PRR5L: variants seen among roughly 807,000 people sequenced by gnomAD.
PRR5L encodes proline rich 5 like.
A neutral mutation model predicts 36.4 loss-of-function variants in PRR5L; 21 were observed. The observed-to-expected ratio is 0.58, with a 90% CI of 0.41 to 0.83. PRR5L has a LOEUF of 0.83. PRR5L is among the 40% of genes least tolerant of loss of function. The pLI, the probability that PRR5L is intolerant of heterozygous loss-of-function variation, is 0.00. For synonymous variants in PRR5L, 188 were observed against 197.0 expected (o/e 0.95, Z 0.38); for missense variants, 381 against 473.3 (o/e 0.80, Z 1.81).
chr11:36,422,865 C>A (rs138303877), intron 4 of PRR5L, among the ~76,000 whole-genome samples: 1 of 151,966 alleles, frequency 6.6e-6, no homozygotes, highest in African/African-American at 2.4e-5. Flanking sequence ...TTGGGGTTTC[C>A]GAGAGAAACA....
intron 1 of PRR5L, among the ~76,000 whole-genome samples, chr11:36,343,773 T>TCCACTTA (rs1216096072): frequency 6.6e-6 from 1 of 152,204 alleles, no homozygotes; most frequent in Non-Finnish European, 1.5e-5. Flanking sequence ...TATTATTACC[T>TCCACTTA]CCACTTACTG....
At chr11:36,460,140 C>G (rs1859149594) in intron 8 of PRR5L, among the ~76,000 whole-genome samples, 1 of 152,224 alleles carries the variant, frequency 6.6e-6, no homozygotes, top group South Asian at 2.1e-4. Flanking sequence ...TAAAAAGGGA[C>G]AAAATGCATA....
chr11:36,462,656 A>G lies in PRR5L; in HGVS notation c.1027A>G (p.Thr343Ala). ...HRQCSSEPNI[T>A]DNPDGLEEGA... is the part of the protein sequence containing the mutation. The stretch of plus-strand genomic sequence containing the variant: ...GCAGTGCTCCAGTGAGCCCAACATC[A>G]CTGACAACCCTGACGGACTGGAGGA... Residue 343 changes from threonine (T) to alanine (A), a missense_variant, in exon 9 of 9, where the codon ACT (threonine) becomes GCT (alanine). By Grantham distance (58) the Thr-to-Ala change is moderately conservative (BLOSUM62 0). Transcript: ENST00000530639. 6.2e-7 allele frequency: 1 copy of G among 1,610,750 alleles called. No individual in the cohort carries two copies. The highest frequency in any genetic ancestry group is 2.2e-5 in the East Asian group (1 of 44,840).
chr11:36,342,172 G>C (rs1856823736), intron 1 of PRR5L, among the ~76,000 whole-genome samples: 1 of 152,186 alleles, frequency 6.6e-6, no homozygotes, highest in South Asian at 2.1e-4. Context: ...CTCCATGAAG[G>C]CTCAACTAAG....
At chr11:36,384,271 T>C (rs1048489793) in intron 1 of PRR5L, among the ~76,000 whole-genome samples, 12 of 152,256 alleles carry the variant, frequency 7.9e-5, no homozygotes, top group Non-Finnish European at 1.6e-4. Context: ...TTTCATTAGC[T>C]TTGCTTCGTA....
chr11:36,402,626 G>A (rs1023279441), intron 2 of PRR5L, among the ~76,000 whole-genome samples: 9 of 152,238 alleles, frequency 5.9e-5, no homozygotes, highest in Non-Finnish European at 1.0e-4. Context: ...AAATGTTTTG[G>A]TGTTAAATGG....
intron 3 of PRR5L, among the ~76,000 whole-genome samples, chr11:36,406,713 G>T (rs570270344): frequency 3.3e-5 from 5 of 152,348 alleles, no homozygotes; most frequent in African/African-American, 1.2e-4. Flanking sequence ...AGGCAGGATT[G>T]GTGGAGAGGG....
At chr11:36,366,877 C>G (rs1027081160) in intron 1 of PRR5L, among the ~76,000 whole-genome samples, 1 of 152,114 alleles carries the variant, frequency 6.6e-6, no homozygotes, top group African/African-American at 2.4e-5. Context: ...TAAAACTCCT[C>G]TCTCCTTCTT....
At chr11:36,432,238 T>TA (rs1385582967) in intron 5 of PRR5L, among the ~76,000 whole-genome samples, 5 of 152,082 alleles carry the variant, frequency 3.3e-5, no homozygotes, top group Non-Finnish European at 7.3e-5. Context: ...AGGTATAAGT[T>TA]ATACTGTGAA....
chr11:36,352,483 T>C (rs531050924), intron 1 of PRR5L, among the ~76,000 whole-genome samples: 2 of 152,296 alleles, frequency 1.3e-5, no homozygotes, highest in South Asian at 4.1e-4. Flanking sequence ...TTAGAGAGTT[T>C]TAGATCTAGA....
chr11:36,453,297 G>A (rs1858981985), intron 8 of PRR5L, among the ~76,000 whole-genome samples: 3 of 152,166 alleles, frequency 2.0e-5, no homozygotes, highest in Admixed American at 6.5e-5. Flanking sequence ...AAATCCTTAT[G>A]CCCAAGAGGC....
intron 1 of PRR5L, among the ~76,000 whole-genome samples, chr11:36,399,553 CT>C (rs1241449649): frequency 5.9e-5 from 9 of 152,216 alleles, no homozygotes; most frequent in African/African-American, 2.2e-4. Context: ...ATCTTCTCCC[CT>C]GGCAACCTGA....
At chr11:36,305,719 G>T (rs1221848076) in intron 1 of PRR5L, among the ~76,000 whole-genome samples, 1 of 152,172 alleles carries the variant, frequency 6.6e-6, no homozygotes, top group East Asian at 1.9e-4. Flanking sequence ...GATACAGCAA[G>T]AAGGCACCGT....
At chr11:36,333,599 T>C (rs1486673324) in intron 1 of PRR5L, among the ~76,000 whole-genome samples, 1 of 152,250 alleles carries the variant, frequency 6.6e-6, no homozygotes, top group African/African-American at 2.4e-5. Flanking sequence ...AAAATAGTTA[T>C]GCTGAATGGA....
At chr11:36,346,310 G>A (rs892522784) in intron 1 of PRR5L, among the ~76,000 whole-genome samples, 2 of 152,120 alleles carry the variant, frequency 1.3e-5, no homozygotes, top group South Asian at 2.1e-4. Context: ...TAGGCCGAGC[G>A]TGGTGGCTCA....
intron 1 of PRR5L, among the ~76,000 whole-genome samples, chr11:36,343,953 A>T (rs953876099): frequency 2.0e-5 from 3 of 151,568 alleles, no homozygotes; most frequent in African/African-American, 7.3e-5. Context: ...GCGGTGGCTC[A>T]CGCCTGTAAT....
At chr11:36,350,328 A>AGT (rs1171360737) in intron 1 of PRR5L, among the ~76,000 whole-genome samples, 4 of 149,576 alleles carry the variant, frequency 2.7e-5, no homozygotes, top group Non-Finnish European at 6.0e-5. Flanking sequence ...TGAATGTGTG[A>AGT]GTGTGTGTGT....
chr11:36,366,317 C>T (rs921517924), intron 1 of PRR5L, among the ~76,000 whole-genome samples: 9 of 152,136 alleles, frequency 5.9e-5, no homozygotes, highest in African/African-American at 2.2e-4. Context: ...AGTGTCAGCA[C>T]ATGGTACATC....
At chr11:36,413,878 A>C (rs1483222883) in intron 3 of PRR5L, among the ~76,000 whole-genome samples, 2 of 93,912 alleles carry the variant, frequency 2.1e-5, no homozygotes, top group South Asian at 4.4e-4. Flanking sequence ...CCACCCCACA[A>C]CAGTCCCCAG....
Sources: allele counts gnomAD v4.1 joint callset (sites outside exome capture counted in the v4.1 genomes callset), GRCh38; gene constraint gnomAD v4.1.1; transcripts MANE v1.5; gene names NCBI Gene and HGNC (gene_info 2026-07-23, HGNC 2026-07-21).